CTDSPL: variants seen among roughly 807,000 people sequenced by gnomAD.
CTDSPL encodes the protein CTD small phosphatase like.
Under a neutral mutation model 30.5 loss-of-function variants are expected in CTDSPL, and 8 were observed. The observed-to-expected ratio is 0.26, with a 90% CI of 0.15 to 0.47. The LOEUF is 0.47. CTDSPL is among the 20% of genes least tolerant of loss of function. The pLI, the probability that CTDSPL is intolerant of heterozygous loss-of-function variation, is 0.99. For missense variants in CTDSPL, 248 were observed against 366.1 expected (o/e 0.68, Z 2.63); for synonymous variants, 110 against 137.9 (o/e 0.80, Z 1.42).
In CTDSPL at chr3:37,982,662, A is replaced by C. The variant is rs1699505936; in HGVS notation, c.*1795A>C. 2.2e-6 allele frequency: 1 copy of C among 456,578 alleles called. No individual in the cohort carries two copies. Among genetic ancestry groups the C allele is most frequent in the Admixed American group, 2.3e-5 (1 of 42,560 alleles). The allele number at this position is 456,578 out of a possible 1,614,324, so 28.3% of individuals were successfully genotyped here. A position where few individuals can be genotyped will look rare whatever the true frequency, so the allele number is the denominator to read the frequency against. On this transcript the variant is annotated 3_prime_UTR_variant, in exon 8 of 8. Transcript: ENST00000273179. Reference sequence around the variant, plus strand: ...AAGGGAAGTAAGTATTCAGGGGGTAAACAGGTCTCCCAGCATTCTGAGTGT... The same window carrying C: ...AAGGGAAGTAAGTATTCAGGGGGTACACAGGTCTCCCAGCATTCTGAGTGT...
intron 1 of CTDSPL, among the ~76,000 whole-genome samples, chr3:37,912,367 G>A (rs960169489): frequency 1.3e-5 from 2 of 152,198 alleles, no homozygotes; most frequent in Non-Finnish European, 2.9e-5. Context: ...TGCTGCTTTT[G>A]AAATCTTTTC....
At chr3:37,946,385 C>G (rs1575311863) in intron 1 of CTDSPL, among the ~76,000 whole-genome samples, 1 of 152,154 alleles carries the variant, frequency 6.6e-6, no homozygotes, top group Admixed American at 6.5e-5. Flanking sequence ...CCTACTTGGG[C>G]AGGAACATGT....
chr3:37,920,939 A>G (rs899125027), intron 1 of CTDSPL, among the ~76,000 whole-genome samples: 2 of 152,154 alleles, frequency 1.3e-5, no homozygotes, highest in African/African-American at 4.8e-5. Flanking sequence ...CCTCAGCCCT[A>G]TGGGCCAGGG....
intron 1 of CTDSPL, among the ~76,000 whole-genome samples, chr3:37,878,330 G>C (rs191130952): frequency 6.6e-6 from 1 of 152,142 alleles, no homozygotes; most frequent in African/African-American, 2.4e-5. Context: ...GGAGGAAAGG[G>C]AGGTTTCTAT....
In CTDSPL at chr3:37,984,284, C is replaced by T. The variant is rs770642239; in HGVS notation, c.*3417C>T. 6.3e-5 allele frequency: 29 copies of T among 456,794 alleles called. No individual in the cohort carries two copies. The highest frequency in any genetic ancestry group is 9.7e-5 in the Non-Finnish European group (22 of 227,038). 28.3% of individuals were successfully genotyped at this position (456,794 alleles called of 1,614,324 possible). A position where few individuals can be genotyped will look rare whatever the true frequency, so the allele number is the denominator to read the frequency against. On this transcript the variant is annotated 3_prime_UTR_variant, in exon 8 of 8. Coordinates refer to ENST00000273179, the MANE Select transcript of CTDSPL (RefSeq NM_001008392.2). Reference sequence around the variant, plus strand: ...CAGACTGACACACCCTCCCCCACCCCGGGTAGTGGAGATGCTGGTGTCTGG... The same window carrying T: ...CAGACTGACACACCCTCCCCCACCCTGGGTAGTGGAGATGCTGGTGTCTGG...
Position 37,942,831 on chromosome 3 carries a change from G to A in CTDSPL, c.80-4226G>A, listed in dbSNP as rs148605657. 4.6e-3 allele frequency among the ~76,000 whole-genome samples: 699 copies of A among 150,332 alleles called. 51 individuals carry two copies. In the South Asian group the frequency reaches 0.082, roughly 18 times the overall value. On this transcript the variant is annotated intron_variant, in intron 1 of 7. Coordinates refer to ENST00000273179, the MANE Select transcript of CTDSPL (RefSeq NM_001008392.2). ...ACTGTTGCTGGTTGAGCCAGATTTC[G>A]CACCTAGGCAAGTTGGCATTGGAGC...
chr3:37,982,492 G>A lies in CTDSPL; in HGVS notation c.*1625G>A. On this transcript the variant is annotated 3_prime_UTR_variant, in exon 8 of 8. Coordinates refer to ENST00000273179, the MANE Select transcript of CTDSPL (RefSeq NM_001008392.2). ...TGGTCTTCAGCCAGCATTCTGGTGG[G>A]AGTGACTGGCATTAACAAGACTGGA... is the stretch of plus-strand genomic sequence containing the variant. 2.2e-6 allele frequency: 1 copy of A among 455,528 alleles called. No individual in the cohort carries two copies. The highest frequency in any genetic ancestry group is 4.4e-6 in the Non-Finnish European group (1 of 226,084). 28.2% of individuals were successfully genotyped at this position (455,528 alleles called of 1,614,324 possible). A position where few individuals can be genotyped will look rare whatever the true frequency, so the allele number is the denominator to read the frequency against.
chr3:37,953,938 A>T (rs1476913433), intron 2 of CTDSPL, among the ~76,000 whole-genome samples: 1 of 152,222 alleles, frequency 6.6e-6, no homozygotes, highest in African/African-American at 2.4e-5. Context: ...GTTTACATAG[A>T]AAACCCAAAA....
At chr3:37,922,509 AT>A (rs1698729781) in intron 1 of CTDSPL, among the ~76,000 whole-genome samples, 1 of 152,194 alleles carries the variant, frequency 6.6e-6, no homozygotes, top group African/African-American at 2.4e-5. Flanking sequence ...AGGATCTCCT[AT>A]TGCTCCACTC....
chr3:37,959,863 C>T (rs1010697622), intron 3 of CTDSPL, among the ~76,000 whole-genome samples: 6 of 152,204 alleles, frequency 3.9e-5, no homozygotes, highest in Non-Finnish European at 8.8e-5. Context: ...CATACCCTTA[C>T]TGAAAATGAT....
At chr3:37,871,100 T>C (rs1420369688) in intron 1 of CTDSPL, among the ~76,000 whole-genome samples, 1 of 152,208 alleles carries the variant, frequency 6.6e-6, no homozygotes, top group Non-Finnish European at 1.5e-5. Flanking sequence ...TCCTCTGTGC[T>C]CCACTTATTC....
rs539888861 is a variant in CTDSPL, at chr3:37,942,316, G to A, written c.80-4741G>A. Reference sequence around the variant, plus strand: ...GAGAACCCTCACTCATTTATGAAGCGAAAGCTTTTATGAGACTATAATAAT... The same window carrying A: ...GAGAACCCTCACTCATTTATGAAGCAAAAGCTTTTATGAGACTATAATAAT... On this transcript the variant is annotated intron_variant, in intron 1 of 7. Coordinates refer to ENST00000273179, the MANE Select transcript of CTDSPL (RefSeq NM_001008392.2). Among the ~76,000 whole-genome samples the A allele has an allele frequency of 4.3e-4, 64 of 150,480 alleles. 2 individuals are homozygous for A. The highest frequency in any genetic ancestry group is 1.4e-3 in the African/African-American group (58 of 41,404).
rs544174219 is a variant in CTDSPL at position 37,878,054 on chromosome 3, A to T, written c.79+15776A>T. ...CACAGCATTCCCACCAACAGTGCAC[A>T]GGGGTTTCAGTGTCTCCACATCCTC... On this transcript the variant is annotated intron_variant, in intron 1 of 7. Transcript: ENST00000273179. Among the ~76,000 whole-genome samples the T allele has an allele frequency of 2.0e-5, 3 of 152,216 alleles. No homozygotes were observed. In the South Asian group the frequency reaches 6.2e-4, roughly 32 times the overall value.
At chr3:37,978,887 A>G (rs1419955071) in intron 7 of CTDSPL, among the ~76,000 whole-genome samples, 1 of 152,220 alleles carries the variant, frequency 6.6e-6, no homozygotes, top group Non-Finnish European at 1.5e-5. Flanking sequence ...GCTAAAAATG[A>G]CATATTTTTA....
chr3:37,902,954 A>G (rs1429455949), intron 1 of CTDSPL, among the ~76,000 whole-genome samples: 1 of 152,206 alleles, frequency 6.6e-6, no homozygotes, highest in Admixed American at 6.5e-5. Context: ...AGTGAAAGGT[A>G]TGTGAGCTGT....
Position 37,980,714 on chromosome 3 carries a change from G to A in CTDSPL, c.706-28G>A, listed in dbSNP as rs781533766. 1.4e-5 allele frequency: 22 copies of A among 1,613,472 alleles called. No individual in the cohort carries two copies. In the South Asian group the frequency reaches 2.0e-4, roughly 14 times the overall value. On this transcript the variant is annotated intron_variant, in intron 7 of 7. Coordinates refer to ENST00000273179, the MANE Select transcript of CTDSPL (RefSeq NM_001008392.2). ...AGCCCCCAGCGCTAGATGCAGTCCT[G>A]CTGCCTCCTCCATGCACTGTCTTCC...
intron 1 of CTDSPL, among the ~76,000 whole-genome samples, chr3:37,910,704 T>C (rs1403827987): frequency 6.6e-6 from 1 of 152,210 alleles, no homozygotes; most frequent in Non-Finnish European, 1.5e-5. Context: ...TTTATCTGCT[T>C]TGATTCTAAA....
At chr3:37,905,043 C>G (rs954246841) in intron 1 of CTDSPL, among the ~76,000 whole-genome samples, 1 of 152,196 alleles carries the variant, frequency 6.6e-6, no homozygotes, top group Non-Finnish European at 1.5e-5. Context: ...AGTCTTGTTA[C>G]ACTTTGTACT....
At chr3:37,907,090 C>T (rs1698524728) in intron 1 of CTDSPL, among the ~76,000 whole-genome samples, 3 of 152,224 alleles carry the variant, frequency 2.0e-5, no homozygotes, top group Admixed American at 1.3e-4. Flanking sequence ...TTTGTTCTTT[C>T]CTGGTATGTG....
Sources: allele counts gnomAD v4.1 joint callset (sites outside exome capture counted in the v4.1 genomes callset), GRCh38; gene constraint gnomAD v4.1.1; transcripts MANE v1.5; gene names NCBI Gene and HGNC (gene_info 2026-07-23, HGNC 2026-07-21).